ADGRV1: variants seen among roughly 807,000 people sequenced by gnomAD.
The protein encoded by ADGRV1 is G-protein coupled receptor 98.
In ADGRV1, 359 loss-of-function variants were observed where a neutral mutation model predicts 596.2. The observed-to-expected ratio is 0.60, with a 90% CI of 0.55 to 0.66. ADGRV1 has a LOEUF of 0.66. ADGRV1 is among the 30% of genes least tolerant of loss of function. The pLI is 0.00. For missense variants in ADGRV1, 7,274 were observed against 7,575.6 expected, an observed-to-expected ratio of 0.96 and a Z score of 1.48; for synonymous variants, 2,681 against 2,679.2, an observed-to-expected ratio of 1.00 and a Z score of -0.02.
At chr5:90,762,096 G>T (rs1222804009) in intron 58 of ADGRV1, among the ~76,000 whole-genome samples, 1 of 152,132 alleles carries the variant, frequency 6.6e-6, no homozygotes, top group African/African-American at 2.4e-5. Flanking sequence ...GTATACCAAA[G>T]CCCTGAGAAT....
chr5:90,650,117 C>T (rs1580594855), intron 17 of ADGRV1, among the ~76,000 whole-genome samples: 1 of 152,270 alleles, frequency 6.6e-6, no homozygotes, highest in African/African-American at 2.4e-5. Flanking sequence ...ACTTGTGGGA[C>T]CCATGATGGG....
At position 90,763,168 on chromosome 5, in the gene ADGRV1, T is replaced by A. The variant is rs188854466; in HGVS notation, c.12121-137T>A. 4.5e-5 allele frequency: 36 copies of A among 797,638 alleles called. No individual in the cohort carries two copies. The Admixed American group carries it at 1.1e-3, about 25-fold the overall frequency. The allele number at this position is 797,638 out of a possible 1,614,324, so 49.4% of individuals were successfully genotyped here. A position where few individuals can be genotyped will look rare whatever the true frequency, so the allele number is the denominator to read the frequency against. Reference sequence around the variant, plus strand: ...AGTGGGATTTGGTAAAAAAAATTTTTCTGCCACATGATAATTACATGTAAC... The same window carrying A: ...AGTGGGATTTGGTAAAAAAAATTTTACTGCCACATGATAATTACATGTAAC... On this transcript the variant is annotated intron_variant, in intron 58 of 89. Coordinates refer to ENST00000405460, the MANE Select transcript of ADGRV1 (RefSeq NM_032119.4).
At position 90,653,394 on chromosome 5, in the gene ADGRV1, C is replaced by T; in HGVS notation, c.3820C>T (p.Gln1274Ter). Residue 1274 changes from glutamine (Q) to a stop codon, truncating the protein, a stop_gained, in exon 20 of 90, where the codon CAG becomes TAG. Coordinates refer to ENST00000405460, the MANE Select transcript of ADGRV1 (RefSeq NM_032119.4). LOFTEE classifies it high-confidence loss of function. The part of the protein sequence containing the change: ...SYITNFTILR[Q>*]QGVFGDVQLG... ...TATTACCAACTTCACCATTTTGAGG[C>T]AGCAGGGTGTGTTTGGTGATGTACA... 1 of 1,613,904 alleles carries T rather than the reference C, an allele frequency of 6.2e-7. No individual in the cohort carries two copies.
chr5:90,729,933 C>A (rs1413533925), intron 50 of ADGRV1, among the ~76,000 whole-genome samples, 169 bp downstream of exon 50: 1 of 151,560 alleles, frequency 6.6e-6, no homozygotes, highest in African/African-American at 2.4e-5. Context: ...GTGGGGCAAT[C>A]TCTGCTCACT....
At chr5:90,698,411 A>G (rs1747479711) in intron 34 of ADGRV1, among the ~76,000 whole-genome samples, 3 of 152,118 alleles carry the variant, frequency 2.0e-5, no homozygotes, top group Non-Finnish European at 4.4e-5. Context: ...AATAGCAACA[A>G]TTATTCAGTG....
chr5:90,589,229 C>T (rs1463360236), intron 1 of ADGRV1, among the ~76,000 whole-genome samples: 1 of 152,106 alleles, frequency 6.6e-6, no homozygotes, highest in Non-Finnish European at 1.5e-5. Context: ...GGAGTCATTA[C>T]ATTATTACAA....
intron 82 of ADGRV1, among the ~76,000 whole-genome samples, chr5:90,861,261 G>A (rs934811412): frequency 6.6e-6 from 1 of 151,848 alleles, no homozygotes; most frequent in African/African-American, 2.4e-5. Flanking sequence ...GTAATACCTG[G>A]AATTGTGATA....
At chr5:91,003,717 A>T (rs767511256) in intron 85 of ADGRV1, among the ~76,000 whole-genome samples, 1 of 152,234 alleles carries the variant, frequency 6.6e-6, no homozygotes, top group African/African-American at 2.4e-5. Context: ...GAAAGGAAAG[A>T]GTGCCAGAGG....
At chr5:90,847,166 A>C (rs1381826226) in intron 78 of ADGRV1, among the ~76,000 whole-genome samples, 2 of 152,166 alleles carry the variant, frequency 1.3e-5, no homozygotes, top group Non-Finnish European at 2.9e-5. Context: ...CCTGAGCTAG[A>C]CACAGGGTGC....
At chr5:90,668,992 G>C (rs1772026315) in intron 21 of ADGRV1, among the ~76,000 whole-genome samples, 1 of 152,008 alleles carries the variant, frequency 6.6e-6, no homozygotes, top group South Asian at 2.1e-4. Flanking sequence ...GTGTCTCTTT[G>C]GATCTATTTA....
At position 90,724,012 on chromosome 5, in the gene ADGRV1, T is replaced by G. The variant is rs548883115; in HGVS notation, c.9749-820T>G. ...AAAACCTTGACAGCCATTTGAAATA[T>G]GTGAGTCTGCTTGGCATTCTTAAAA... On this transcript the variant is annotated intron_variant, in intron 45 of 89. Coordinates refer to ENST00000405460, the MANE Select transcript of ADGRV1 (RefSeq NM_032119.4). Among the ~76,000 whole-genome samples the G allele has an allele frequency of 1.5e-4, 23 of 152,192 alleles. No homozygotes were observed. The South Asian group carries it at 3.1e-3, about 21-fold the overall frequency.
intron 21 of ADGRV1, among the ~76,000 whole-genome samples, chr5:90,667,093 A>T (rs1180687738): frequency 2.0e-5 from 3 of 151,446 alleles, no homozygotes; most frequent in African/African-American, 7.3e-5. Context: ...TGTGTCTTGG[A>T]GTTGCTCTTC....
At chr5:91,075,051 A>G (rs1227727684) in intron 86 of ADGRV1, among the ~76,000 whole-genome samples, 1 of 151,816 alleles carries the variant, frequency 6.6e-6, no homozygotes, top group African/African-American at 2.4e-5. Context: ...TTGCCTGTTC[A>G]TTTGTTTAGG....
chr5:91,114,394 G>C (rs866218944), intron 87 of ADGRV1, among the ~76,000 whole-genome samples: 1 of 152,046 alleles, frequency 6.6e-6, no homozygotes, highest in African/African-American at 2.4e-5. Flanking sequence ...GGGTGTGGTG[G>C]CACACGCCTG....
intron 50 of ADGRV1, among the ~76,000 whole-genome samples, chr5:90,735,455 C>G (rs1753099222): frequency 6.6e-6 from 1 of 152,038 alleles, no homozygotes. Flanking sequence ...ATGCATCCAG[C>G]CTTGTTCTTT....
intron 59 of ADGRV1, among the ~76,000 whole-genome samples, chr5:90,771,377 C>T (rs769507706): frequency 6.6e-5 from 10 of 152,178 alleles, no homozygotes; most frequent in Non-Finnish European, 1.2e-4. Context: ...ATTTCTCTCA[C>T]ATTTGGGTTC....
intron 83 of ADGRV1, among the ~76,000 whole-genome samples, chr5:90,926,692 C>G (rs1347997650): frequency 6.7e-6 from 1 of 150,118 alleles, no homozygotes; most frequent in African/African-American, 2.5e-5. Flanking sequence ...AATGTGTTTG[C>G]TCTTGCTTTT....
intron 5 of ADGRV1, among the ~76,000 whole-genome samples, chr5:90,623,341 A>G (rs1764334254): frequency 6.6e-6 from 1 of 152,214 alleles, no homozygotes; most frequent in African/African-American, 2.4e-5. Flanking sequence ...CAAAGACAGG[A>G]AATTTTAAAA....
chr5:90,959,873 C>T (rs1030247162), intron 83 of ADGRV1, among the ~76,000 whole-genome samples: 1 of 152,150 alleles, frequency 6.6e-6, no homozygotes, highest in Non-Finnish European at 1.5e-5. Flanking sequence ...GGCGCAGTGG[C>T]TCACGCCTGT....
Sources: gnomAD v4.1 joint callset for allele counts (sites outside exome capture counted in the v4.1 genomes callset) on GRCh38, gnomAD v4.1.1 for gene constraint, MANE v1.5 for transcripts, NCBI Gene and HGNC (gene_info 2026-07-23, HGNC 2026-07-21) for gene names.